The following TSHR variants were observed in gnomAD, a reference collection of about 807,000 sequenced individuals.
TSHR encodes thyroid stimulating hormone receptor.
TSHR carries 51 observed loss-of-function variants against 64.1 expected under a neutral mutation model. The observed-to-expected ratio is 0.80, with a 90% CI of 0.64 to 1.01. The LOEUF is 1.01. Among genes scored for constraint, TSHR ranks in the 50% least tolerant of loss-of-function variants. The pLI, the probability that TSHR is intolerant of heterozygous loss-of-function variation, is 0.00. For synonymous variants in TSHR, 361 were observed against 361.9 expected, an observed-to-expected ratio of 1.00 and a Z score of 0.03; for missense variants, 877 against 942.8, an observed-to-expected ratio of 0.93 and a Z score of 0.91.
chr14:81,100,123 T>C (rs1295222851), intron 7 of TSHR, among the ~76,000 whole-genome samples: 5 of 152,154 alleles, frequency 3.3e-5, no homozygotes, highest in African/African-American at 9.7e-5. Context: ...TTTCTTCAAC[T>C]CTCTTTCCAT....
intron 1 of TSHR, chr14:81,012,940 G>C (rs1890001106): frequency 6.6e-6 from 1 of 152,148 alleles, no homozygotes; most frequent in South Asian, 2.1e-4. Context: ...AAGTTCTTTA[G>C]TTTAATTAGA....
intron 1 of TSHR, among the ~76,000 whole-genome samples, chr14:81,006,764 C>T (rs1469394348): frequency 6.6e-6 from 1 of 152,084 alleles, no homozygotes; most frequent in African/African-American, 2.4e-5. Flanking sequence ...CTCCCCGCCT[C>T]GGTCTCCCAA....
rs1466846955 is a variant in TSHR at position 81,105,469 on chromosome 14, A to C, written c.615-2906A>C. 3.3e-5 allele frequency among the ~76,000 whole-genome samples: 5 copies of C among 152,276 alleles called. No individual in the cohort carries two copies. The East Asian group carries it at 9.7e-4, about 29-fold the overall frequency. ...TAACTCTAAGAGGTAAAGTACCCCA[A>C]CAGCAGTGCTGGTTTTAGAGAACAC... is the stretch of plus-strand genomic sequence containing the variant. On this transcript the variant is annotated intron_variant, in intron 7 of 9. Coordinates refer to ENST00000298171, the MANE Select transcript of TSHR (RefSeq NM_000369.5).
rs1595177772 is a variant in TSHR at position 81,143,297 on chromosome 14, C to T, written c.1239C>T (p.Gly413=). Residue 413 remains glycine (G), a synonymous_variant, in exon 10 of 10, where the codon GGC becomes GGT. Coordinates refer to ENST00000298171, the MANE Select transcript of TSHR (RefSeq NM_000369.5). Reference sequence around the variant, plus strand: ...TCAACCCGTGTGAAGACATAATGGGCTACAAGTTCCTGAGAATTGTGGTGT... The same window carrying T: ...TCAACCCGTGTGAAGACATAATGGGTTACAAGTTCCTGAGAATTGTGGTGT... ...DEFNPCEDIM[G]YKFLRIVVWF... 1 of 1,614,152 alleles carries T rather than the reference C, an allele frequency of 6.2e-7. No individual in the cohort carries two copies. The highest frequency in any genetic ancestry group is 8.5e-7 in the Non-Finnish European group (1 of 1,180,034).
chr14:81,073,106 T>G (rs1338214063), intron 3 of TSHR, among the ~76,000 whole-genome samples: 2 of 143,206 alleles, frequency 1.4e-5, no homozygotes, highest in East Asian at 4.1e-4. Flanking sequence ...ATATAAAGCA[T>G]AAAGTCTTAC....
chr14:81,001,906 A>G (rs35472552), intron 1 of TSHR: 55,535 of 187,248 alleles, frequency 0.3, 9,046 homozygotes, highest in South Asian at 0.36. Flanking sequence ...CCTTTCACCA[A>G]TCTTTCACCG....
intron 8 of TSHR, among the ~76,000 whole-genome samples, chr14:81,115,681 G>A (rs1321986250): frequency 4.6e-5 from 7 of 151,932 alleles, no homozygotes; most frequent in Non-Finnish European, 8.8e-5. Context: ...TACAGAGAAT[G>A]CCACAAAGAT....
chr14:81,035,219 C>T (rs1884561700), intron 1 of TSHR, among the ~76,000 whole-genome samples: 1 of 152,114 alleles, frequency 6.6e-6, no homozygotes. Context: ...ACTTTGATAC[C>T]TTCTGGGAAA....
Position 81,011,063 on chromosome 14 carries a change from G to A in TSHR, c.171-51085G>A, listed in dbSNP as rs536738670. Among the ~76,000 whole-genome samples, 19 of 152,304 alleles carry A rather than the reference G, an allele frequency of 1.2e-4. No homozygotes were observed. In the South Asian group the frequency reaches 3.7e-3, roughly 30 times the overall value. ...TTGAGAGTCAAAGGCCTAGATGACAGCATTCAATTAGCTGGAGCTAGGAAC... is the reference window on the plus strand; with the variant it reads ...TTGAGAGTCAAAGGCCTAGATGACAACATTCAATTAGCTGGAGCTAGGAAC... On this transcript the variant is annotated intron_variant, in intron 1 of 9. Transcript: ENST00000298171.
chr14:80,970,722 G>T (rs1283089311), intron 1 of TSHR, among the ~76,000 whole-genome samples: 1 of 152,188 alleles, frequency 6.6e-6, no homozygotes, highest in Non-Finnish European at 1.5e-5. Context: ...GGGAAAATGG[G>T]TTACACTGCT....
chr14:81,087,754 C>G (rs1251685623), intron 3 of TSHR, 200 bp from the exon 4 acceptor site: 2 of 630,342 alleles, frequency 3.2e-6, no homozygotes, highest in Non-Finnish European at 5.7e-6. Flanking sequence ...AAGAGCTGAG[C>G]AGCCATTGGG....
intron 3 of TSHR, among the ~76,000 whole-genome samples, chr14:81,085,522 C>T (rs116833749): frequency 6.6e-6 from 1 of 152,148 alleles, no homozygotes; most frequent in African/African-American, 2.4e-5. Flanking sequence ...CTTGCTGCCT[C>T]TCCCACATTT....
intron 7 of TSHR, 161 bp from the exon 8 acceptor site, chr14:81,108,214 T>C: frequency 3.1e-6 from 2 of 639,256 alleles, no homozygotes; most frequent in Non-Finnish European, 5.4e-6. Context: ...AAACCTAGAA[T>C]GTTTTAAGTG....
At chr14:80,979,007 C>G (rs1209873998) in intron 1 of TSHR, among the ~76,000 whole-genome samples, 1 of 152,224 alleles carries the variant, frequency 6.6e-6, no homozygotes, top group East Asian at 1.9e-4. Context: ...CAATTGCTCA[C>G]TAAAATATCA....
In TSHR at chr14:81,103,676, C is replaced by A. The variant is rs1889722936; in HGVS notation, c.615-4699C>A. The A allele has an allele frequency of 1.5e-5, 15 of 985,346 alleles. No homozygotes were observed. In the South Asian group the frequency reaches 7.0e-4, roughly 46 times the overall value. 61.0% of individuals were successfully genotyped at this position (985,346 alleles called of 1,614,324 possible). ...CTCAGAGGTGAAATTAATAATAATA[C>A]AAGCATCCCTTGCTCAACAGAAGTT... On this transcript the variant is annotated intron_variant, in intron 7 of 9. Coordinates refer to ENST00000298171, the MANE Select transcript of TSHR (RefSeq NM_000369.5). This position sits in a 1 kb window ranked among gnomAD's most constrained non-coding sequence, Gnocchi z 4.1.
At chr14:80,998,911 A>C (rs535816267) in intron 1 of TSHR, among the ~76,000 whole-genome samples, 10 of 152,312 alleles carry the variant, frequency 6.6e-5, no homozygotes, top group African/African-American at 2.4e-4. Flanking sequence ...GTACATCTCC[A>C]TGACTAAGGA....
chr14:81,086,839 T>C (rs969147704), intron 3 of TSHR, among the ~76,000 whole-genome samples: 7 of 152,250 alleles, frequency 4.6e-5, no homozygotes, highest in African/African-American at 1.7e-4. Flanking sequence ...CTGCCTGTTA[T>C]ATGATTCCAT....
chr14:80,994,539 C>T (rs920235866), intron 1 of TSHR: 1 of 152,098 alleles, frequency 6.6e-6, no homozygotes, highest in Non-Finnish European at 1.5e-5. Context: ...AACACATAGA[C>T]CAATGGAACA....
intron 1 of TSHR, among the ~76,000 whole-genome samples, chr14:80,968,390 T>C (rs1887425968): frequency 6.6e-6 from 1 of 152,154 alleles, no homozygotes; most frequent in Admixed American, 6.5e-5. Flanking sequence ...TTTTTTTTTT[T>C]TATTCTTACA....
Sources: gnomAD v4.1 joint callset for allele counts (sites outside exome capture counted in the v4.1 genomes callset) on GRCh38, gnomAD v4.1.1 for gene constraint, Gnocchi (gnomAD v3.1) non-coding constraint, MANE v1.5 for transcripts, NCBI Gene and HGNC (gene_info 2026-07-23, HGNC 2026-07-21) for gene names.